DPY19L3: variants seen among roughly 807,000 people sequenced by gnomAD.
DPY19L3 encodes protein C-mannosyl-transferase DPY19L3.
A neutral mutation model predicts 92.3 loss-of-function variants in DPY19L3; 51 were observed. That is an observed-to-expected ratio of 0.55 (90% CI 0.44 to 0.70). The LOEUF is 0.70. DPY19L3 is among the 30% of genes least tolerant of loss of function. The pLI is 0.00. For synonymous variants in DPY19L3, 309 were observed against 315.2 expected (o/e 0.98, Z 0.21); for missense variants, 706 against 855.9 (o/e 0.82, Z 2.18).
In DPY19L3 at chr19:32,482,151, A is replaced by G; in HGVS notation, c.2062A>G (p.Lys688Glu). The G allele has an allele frequency of 6.2e-7, 1 of 1,613,922 alleles. No homozygotes were observed. The highest frequency in any genetic ancestry group is 8.5e-7 in the Non-Finnish European group (1 of 1,179,874). ...ADHPRFCEEI[K>E]RNLPPYVAYF... ...CCACCCTCGCTTCTGTGAAGAGATC[A>G]AAAGAAACCTGCCTCCCTACGTGGC... The change falls in exon 19 of 19, where the codon AAA becomes GAA. Residue 688 changes from lysine (K) to glutamate (E), a missense_variant. Transcript: ENST00000392250.
At position 32,484,688 on chromosome 19, in the gene DPY19L3, C is replaced by T. The variant is rs1372267964; in HGVS notation, c.*2448C>T. 1 of 152,184 alleles carries T rather than the reference C, an allele frequency of 6.6e-6. No homozygotes were observed. Among genetic ancestry groups the T allele is most frequent in the Non-Finnish European group, 1.5e-5 (1 of 68,056 alleles). The allele number at this position is 152,184 out of a possible 1,614,324, so 9.4% of individuals were successfully genotyped here. A position where few individuals can be genotyped will look rare whatever the true frequency, so the allele number is the denominator to read the frequency against. Reference sequence around the variant, plus strand: ...GCTGTTCTCTGGTGTTCTCAGCGCTCCGGCTCCCTCCCTGGAGTTGTGCAC... The same window carrying T: ...GCTGTTCTCTGGTGTTCTCAGCGCTTCGGCTCCCTCCCTGGAGTTGTGCAC... On this transcript the variant is annotated 3_prime_UTR_variant, in exon 19 of 19. Transcript: ENST00000392250.
intron 3 of DPY19L3, among the ~76,000 whole-genome samples, chr19:32,430,733 C>G (rs1174712692): frequency 1.3e-5 from 2 of 151,750 alleles, no homozygotes; most frequent in Non-Finnish European, 2.9e-5. Context: ...CAATCGATCC[C>G]CCTTCCTCAA....
intron 18 of DPY19L3, chr19:32,481,764 G>A (rs1174245599): frequency 4.6e-6 from 1 of 219,712 alleles, no homozygotes; most frequent in Non-Finnish European, 8.9e-6. Flanking sequence ...GATCACTGTA[G>A]TTCTCTGTAT....
At chr19:32,453,679 T>C (rs1969778686) in intron 9 of DPY19L3, among the ~76,000 whole-genome samples, 1 of 152,136 alleles carries the variant, frequency 6.6e-6, no homozygotes, top group Non-Finnish European at 1.5e-5. Flanking sequence ...TACCCTGTTA[T>C]TTGATGTAGT....
At chr19:32,458,000 C>T (rs1969920062) in intron 10 of DPY19L3, 100 bp from the exon 11 acceptor site, 1 of 866,088 alleles carries the variant, frequency 1.2e-6, no homozygotes, top group African/African-American at 1.7e-5. Flanking sequence ...CCACACGCTC[C>T]TGTGAAATTG....
rs990452154 is a variant in DPY19L3 at position 32,484,388 on chromosome 19, A to G, written c.*2148A>G. 6.6e-6 allele frequency: 1 copy of G among 152,270 alleles called. No homozygotes were observed. Among genetic ancestry groups the G allele is most frequent in the African/African-American group, 2.4e-5 (1 of 41,460 alleles). The allele number at this position is 152,270 out of a possible 1,614,324, so 9.4% of individuals were successfully genotyped here. A position where few individuals can be genotyped will look rare whatever the true frequency, so the allele number is the denominator to read the frequency against. On this transcript the variant is annotated 3_prime_UTR_variant, in exon 19 of 19. Transcript: ENST00000392250. ...ACACAGAAGGAAAGCAAAGAAGAGC[A>G]TCTGACTTCTAGCTCTGGCTTACAG...
chr19:32,418,494 TTTAA>T (rs1968453117), intron 3 of DPY19L3, among the ~76,000 whole-genome samples: 2 of 152,252 alleles, frequency 1.3e-5, no homozygotes, highest in Non-Finnish European at 2.9e-5. Flanking sequence ...TAAATTTTTT[TTTAA>T]TTAATCTGAT....
At chr19:32,425,830 A>G (rs1158233493) in intron 3 of DPY19L3, among the ~76,000 whole-genome samples, 1 of 152,176 alleles carries the variant, frequency 6.6e-6, no homozygotes, top group East Asian at 1.9e-4. Flanking sequence ...ATCATTCTTA[A>G]TAAGGACCCT....
chr19:32,454,610 T>C (rs886456260), intron 9 of DPY19L3, among the ~76,000 whole-genome samples: 9 of 152,060 alleles, frequency 5.9e-5, no homozygotes, highest in Non-Finnish European at 1.0e-4. Context: ...TGTAACAGTT[T>C]GTTCAGTCAG....
chr19:32,414,311 C>T (rs910653681), intron 3 of DPY19L3, among the ~76,000 whole-genome samples: 1 of 151,914 alleles, frequency 6.6e-6, no homozygotes, highest in Non-Finnish European at 1.5e-5. Context: ...GTCCCAGCTA[C>T]TCGGGAGGCT....
chr19:32,469,900 T>C (rs1171355666), intron 16 of DPY19L3, among the ~76,000 whole-genome samples: 1 of 152,232 alleles, frequency 6.6e-6, no homozygotes, highest in Non-Finnish European at 1.5e-5. Flanking sequence ...AGTGTAATTA[T>C]TCACATGTAA....
At chr19:32,429,471 G>A (rs899858435) in intron 3 of DPY19L3, among the ~76,000 whole-genome samples, 3 of 152,222 alleles carry the variant, frequency 2.0e-5, no homozygotes, top group East Asian at 1.9e-4. Context: ...GTTCTGTACA[G>A]CTGGTGCTAG....
At position 32,408,317 on chromosome 19, in the gene DPY19L3, C is replaced by T. The variant is rs1439910659; in HGVS notation, c.64C>T (p.Gln22Ter). Residue 22 changes from glutamine to a stop codon, truncating the protein, a stop_gained, in exon 2 of 19, where the codon CAA becomes TAA. Transcript: ENST00000392250. LOFTEE classifies it high-confidence loss of function. ...AGAAGTTTCTGAAGACTTTCCAGCC[C>T]AAGAAGAAAATGTGAAGTTGGAAAA... ...ATEVSEDFPAQEENVKLENKL... is the reference protein window; with the variant it reads ...ATEVSEDFPA The T allele has an allele frequency of 2.1e-5, 34 of 1,613,448 alleles. No individual in the cohort carries two copies. The highest frequency in any genetic ancestry group is 2.9e-5 in the Non-Finnish European group (34 of 1,179,934).
intron 3 of DPY19L3, among the ~76,000 whole-genome samples, chr19:32,431,422 G>A (rs1938958641): frequency 6.6e-6 from 1 of 151,688 alleles, no homozygotes; most frequent in African/African-American, 2.4e-5. Context: ...GTGTGTTACA[G>A]ATTTTAGGAC....
At chr19:32,444,819 ACGCC>A (rs1568341761) in intron 8 of DPY19L3, among the ~76,000 whole-genome samples, 1 of 152,164 alleles carries the variant, frequency 6.6e-6, no homozygotes, top group African/African-American at 2.4e-5. Flanking sequence ...ACAGTGACTC[ACGCC>A]TGTAATCCCA....
chr19:32,416,864 C>A (rs1448226394), intron 3 of DPY19L3, among the ~76,000 whole-genome samples: 1 of 152,184 alleles, frequency 6.6e-6, no homozygotes, highest in Non-Finnish European at 1.5e-5. Flanking sequence ...AATCTCCAGC[C>A]CTTTTCTGCT....
intron 3 of DPY19L3, among the ~76,000 whole-genome samples, chr19:32,414,729 C>A (rs1015599195): frequency 6.6e-5 from 10 of 152,122 alleles, no homozygotes; most frequent in Non-Finnish European, 1.3e-4. Flanking sequence ...ATGCTAACAA[C>A]CGTATAGCAA....
chr19:32,441,068 C>A (rs899170908), intron 8 of DPY19L3, among the ~76,000 whole-genome samples: 3 of 152,158 alleles, frequency 2.0e-5, no homozygotes, highest in African/African-American at 4.8e-5. Context: ...CCTATACACT[C>A]CTATAATCTT....
At chr19:32,428,549 G>T (rs1599609056) in intron 3 of DPY19L3, among the ~76,000 whole-genome samples, 1 of 152,142 alleles carries the variant, frequency 6.6e-6, no homozygotes, top group African/African-American at 2.4e-5. Flanking sequence ...GCTCAACCAG[G>T]CTTAGAGGGT....
Sources: gnomAD v4.1 joint callset for allele counts (sites outside exome capture counted in the v4.1 genomes callset) on GRCh38, gnomAD v4.1.1 for gene constraint, MANE v1.5 for transcripts, NCBI Gene and HGNC (gene_info 2026-07-23, HGNC 2026-07-21) for gene names.